The following DGKB variants were observed in gnomAD, a reference collection of about 807,000 sequenced individuals.
DGKB encodes 90 kDa diacylglycerol kinase.
A neutral mutation model predicts 114.3 loss-of-function variants in DGKB; 67 were observed. That is an observed-to-expected ratio of 0.59 (90% CI 0.48 to 0.72). The LOEUF (loss-of-function observed/expected upper bound fraction) is 0.72, where lower values mean the gene tolerates loss of function less well. DGKB is among the 30% of genes least tolerant of loss of function. The pLI is 0.00. For synonymous variants in DGKB, 398 were observed against 323.1 expected, an observed-to-expected ratio of 1.23 and a Z score of -2.49; for missense variants, 907 against 975.2, an observed-to-expected ratio of 0.93 and a Z score of 0.93.
intron 8 of DGKB, 116 bp downstream of exon 8, chr7:14,697,977 GAA>G (rs1245723427): frequency 9.4e-6 from 6 of 636,250 alleles, no homozygotes; most frequent in Non-Finnish European, 1.7e-5. Context: ...AAGAAAGAAA[GAA>G]AGAGAGAGAG....
At chr7:14,153,571 A>G (rs992133298) in intron 25 of DGKB, among the ~76,000 whole-genome samples, 1 of 151,976 alleles carries the variant, frequency 6.6e-6, no homozygotes, top group East Asian at 1.9e-4. Context: ...TGACTCTCAA[A>G]TCTCCTGGGC....
intron 2 of DGKB, among the ~76,000 whole-genome samples, chr7:14,804,865 A>AT (rs1157170499): frequency 8.6e-5 from 13 of 151,344 alleles, no homozygotes; most frequent in African/African-American, 2.7e-4. Context: ...TACACCTGTT[A>AT]TTTTTTTCAT....
chr7:14,398,805 G>A (rs1822649424), intron 21 of DGKB, among the ~76,000 whole-genome samples: 1 of 138,078 alleles, frequency 7.2e-6, no homozygotes. Flanking sequence ...AAAAAAAAAA[G>A]TTGCAGAAAC....
At chr7:14,617,070 C>T (rs1018902867) in intron 15 of DGKB, among the ~76,000 whole-genome samples, 2 of 151,548 alleles carry the variant, frequency 1.3e-5, no homozygotes, top group African/African-American at 2.4e-5. Context: ...GGTTTTGGAT[C>T]CCAGTTCAAT....
upstream of DGKB, among the ~76,000 whole-genome samples, chr7:14,904,687 C>G (rs999303880): frequency 6.6e-6 from 1 of 152,048 alleles, no homozygotes; most frequent in Non-Finnish European, 1.5e-5. Context: ...ACCTTAAATG[C>G]GAATAGCATC....
At position 14,212,408 on chromosome 7, in the gene DGKB, T is replaced by TTTTACTCTCGTGTTTTGTGATA. The variant is rs201994317; in HGVS notation, c.2123-34279_2123-34258dup. Among the ~76,000 whole-genome samples the TTTTACTCTCGTGTTTTGTGATA allele has an allele frequency of 2.7e-4, 6 of 22,048 alleles. 2 individuals are homozygous for TTTTACTCTCGTGTTTTGTGATA. The highest frequency in any genetic ancestry group is 4.2e-4 in the African/African-American group (3 of 7,070). The allele number at this position is 22,048 out of a possible 152,430, so 14.5% of individuals were successfully genotyped here. ...TGATATTTACTCTCATGTTTTGTGATTTTACTCTCGTGTTTTGTGATATTT... is the reference window on the plus strand; with the variant it reads ...TGATATTTACTCTCATGTTTTGTGATTTTACTCTCGTGTTTTGTGATATTTACTCTCGTGTTTTGTGATATTT... On this transcript the variant is annotated intron_variant, in intron 23 of 25. Transcript: ENST00000402815.
At chr7:14,672,875 A>G (rs900603799) in intron 13 of DGKB, 54 bp downstream of exon 13, 3 of 1,061,646 alleles carry the variant, frequency 2.8e-6, no homozygotes, top group Non-Finnish European at 4.2e-6. Context: ...GGTATACGAT[A>G]CTGATAAGTC....
chr7:14,758,880 A>G (rs942265365), intron 2 of DGKB, among the ~76,000 whole-genome samples: 4 of 142,584 alleles, frequency 2.8e-5, no homozygotes, highest in Non-Finnish European at 6.0e-5. Context: ...TATGTGTGTG[A>G]AACAATAGAT....
At chr7:14,541,743 T>C (rs2128620498) in intron 20 of DGKB, among the ~76,000 whole-genome samples, 1 of 152,324 alleles carries the variant, frequency 6.6e-6, no homozygotes, top group African/African-American at 2.4e-5. Flanking sequence ...CCTTAATTTT[T>C]ACTGCTGAAA....
At chr7:14,720,865 A>G (rs77459504) in intron 5 of DGKB, among the ~76,000 whole-genome samples, 1 of 151,970 alleles carries the variant, frequency 6.6e-6, no homozygotes, top group Non-Finnish European at 1.5e-5. Context: ...AAAAAAAAAA[A>G]AGACCGGAAT....
At chr7:14,184,590 C>G (rs1309036095) in intron 23 of DGKB, among the ~76,000 whole-genome samples, 1 of 152,036 alleles carries the variant, frequency 6.6e-6, no homozygotes. Context: ...ACCTGCAAAT[C>G]TCATCCCCAT....
chr7:14,431,873 A>T (rs1290994178), intron 21 of DGKB, among the ~76,000 whole-genome samples: 2 of 152,116 alleles, frequency 1.3e-5, no homozygotes, highest in Middle Eastern at 3.2e-3. Context: ...ATGGATTTAT[A>T]TTGTAGCTAT....
chr7:14,683,348 T>G (rs1821154990), intron 10 of DGKB, among the ~76,000 whole-genome samples: 1 of 152,190 alleles, frequency 6.6e-6, no homozygotes, highest in Non-Finnish European at 1.5e-5. Context: ...ATGCCAGGCC[T>G]TTGGTGAAAA....
intron 2 of DGKB, among the ~76,000 whole-genome samples, chr7:14,832,575 G>T (rs1319804228): frequency 6.6e-6 from 1 of 151,900 alleles, no homozygotes; most frequent in African/African-American, 2.4e-5. Context: ...TAAAGACTCG[G>T]GATGCGTTTT....
chr7:14,610,892 T>C (rs1467968386), intron 16 of DGKB, among the ~76,000 whole-genome samples: 3 of 152,186 alleles, frequency 2.0e-5, no homozygotes, highest in Non-Finnish European at 4.4e-5. Flanking sequence ...CTCTATACTG[T>C]TGTCTAAGTA....
At position 14,415,605 on chromosome 7, in the gene DGKB, C is replaced by G. The variant is rs998166727; in HGVS notation, c.1835+62556G>C. 2.0e-5 allele frequency among the ~76,000 whole-genome samples: 3 copies of G among 150,260 alleles called. No homozygotes were observed. In the East Asian group the frequency reaches 5.8e-4, roughly 29 times the overall value. ...TCCCTACAAAGGACATGAACTCATCCTTTTTTATGGCTGCATAGTATTCCA... is the reference window on the plus strand; with the variant it reads ...TCCCTACAAAGGACATGAACTCATCGTTTTTTATGGCTGCATAGTATTCCA... On this transcript the variant is annotated intron_variant, in intron 21 of 25. Transcript: ENST00000402815.
At position 14,593,834 on chromosome 7, in the gene DGKB, A is replaced by AAAAAAC. The variant is rs1430007801; in HGVS notation, c.1434-10698_1434-10697insGTTTTT. The stretch of plus-strand genomic sequence containing the variant: ...AATGGTCCAGTTAAAAAAAGAAAAA[A>AAAAAAC]ACAACACAGGAGATTTGCAGCATCC... On this transcript the variant is annotated intron_variant, in intron 17 of 25. Coordinates refer to ENST00000402815, the MANE Select transcript of DGKB (RefSeq NM_001350709.2). 1.6e-3 allele frequency among the ~76,000 whole-genome samples: 249 copies of AAAAAAC among 151,558 alleles called. 4 individuals are homozygous for AAAAAAC. The highest frequency in any genetic ancestry group is 5.8e-3 in the African/African-American group (241 of 41,314).
chr7:14,841,139 T>G, intron 2 of DGKB, 55 bp downstream of exon 2: 1 of 1,417,818 alleles, frequency 7.1e-7, no homozygotes, highest in Admixed American at 1.9e-5. Context: ...AAATAAATGA[T>G]ACTTTGTCTA....
At chr7:14,493,215 A>G (rs1373750467) in intron 20 of DGKB, among the ~76,000 whole-genome samples, 2 of 152,194 alleles carry the variant, frequency 1.3e-5, no homozygotes, top group Non-Finnish European at 2.9e-5. Flanking sequence ...TTGATGAAAC[A>G]ATGGATGCTA....
Sources: allele counts gnomAD v4.1 joint callset (sites outside exome capture counted in the v4.1 genomes callset), GRCh38; gene constraint gnomAD v4.1.1; transcripts MANE v1.5; gene names NCBI Gene and HGNC (gene_info 2026-07-23, HGNC 2026-07-21).